PAX5: variants seen among roughly 807,000 people sequenced by gnomAD.
PAX5 encodes the protein paired box 5, also known as paired box protein Pax-5.
PAX5 carries 9 observed loss-of-function variants against 43.7 expected under a neutral mutation model. The observed-to-expected ratio is 0.21, with a 90% CI of 0.12 to 0.36. The LOEUF (loss-of-function observed/expected upper bound fraction) is 0.36. Among genes scored for constraint, PAX5 ranks in the 10% least tolerant of loss-of-function variants. The pLI, the probability that PAX5 is intolerant of heterozygous loss-of-function variation, is 1.00. For synonymous variants in PAX5, 228 were observed against 214.3 expected (o/e 1.06, Z -0.56); for missense variants, 383 against 532.7 (o/e 0.72, Z 2.77).
chr9:36,873,858 C>T (rs1259488149), intron 8 of PAX5, among the ~76,000 whole-genome samples: 1 of 152,248 alleles, frequency 6.6e-6, no homozygotes, highest in Non-Finnish European at 1.5e-5. Context: ...ATCCTGTTCA[C>T]TACTCCCGGC....
intron 1 of PAX5, among the ~76,000 whole-genome samples, chr9:37,026,233 C>T (rs1045768337): frequency 2.6e-5 from 4 of 152,380 alleles, no homozygotes; most frequent in Admixed American, 2.6e-4. Flanking sequence ...GCCCGGAGCC[C>T]TCTACGGGTC....
At position 36,838,919 on chromosome 9, in the gene PAX5, A is replaced by G; in HGVS notation, c.*1641T>C. 4.3e-6 allele frequency: 1 copy of G among 233,382 alleles called. No individual in the cohort carries two copies. Among genetic ancestry groups the G allele is most frequent in the Non-Finnish European group, 8.5e-6 (1 of 118,128 alleles). The allele number at this position is 233,382 out of a possible 1,614,324, so 14.5% of individuals were successfully genotyped here. On this transcript the variant is annotated 3_prime_UTR_variant, in exon 10 of 10. Coordinates refer to ENST00000358127, the MANE Select transcript of PAX5 (RefSeq NM_016734.3). ...AGACCTGCCTGGCCTGCTGATCCCAAGTCCAGTCTCTCTCTGCCCTGGCTC... is the reference window on the plus strand; with the variant it reads ...AGACCTGCCTGGCCTGCTGATCCCAGGTCCAGTCTCTCTCTGCCCTGGCTC...
intron 5 of PAX5, among the ~76,000 whole-genome samples, chr9:36,983,674 A>T (rs1237310948): frequency 2.0e-5 from 3 of 152,108 alleles, no homozygotes; most frequent in African/African-American, 7.2e-5. Flanking sequence ...GGGTTTCACC[A>T]TGTTGCCCAG....
intron 1 of PAX5, among the ~76,000 whole-genome samples, chr9:37,024,734 A>G (rs989002473): frequency 3.3e-5 from 5 of 152,200 alleles, no homozygotes; most frequent in African/African-American, 1.2e-4. Context: ...CACAGACATT[A>G]GCGGTTGGCT....
rs534821555 is a variant in PAX5, at chr9:36,835,608, T to TC, written c.*4951dup. On this transcript the variant is annotated 3_prime_UTR_variant, in exon 10 of 10. Coordinates refer to ENST00000358127, the MANE Select transcript of PAX5 (RefSeq NM_016734.3). ...GGTGGGGCACGCCGTGGGCTAGGAG[T>TC]CGTGGCCTGACTGTCCAACTTTCCA... 8.2e-5 allele frequency: 19 copies of TC among 232,864 alleles called. No individual in the cohort carries two copies. The South Asian group carries it at 3.3e-3, about 40-fold the overall frequency. The allele number at this position is 232,864 out of a possible 1,614,324, so 14.4% of individuals were successfully genotyped here.
intron 7 of PAX5, among the ~76,000 whole-genome samples, chr9:36,895,747 G>A (rs796440850): frequency 6.6e-5 from 10 of 152,328 alleles, no homozygotes; most frequent in African/African-American, 2.4e-4. Flanking sequence ...AAATGTGACA[G>A]GTTGGGGGTT....
intron 5 of PAX5, among the ~76,000 whole-genome samples, chr9:36,968,763 C>T (rs1219494448): frequency 6.6e-6 from 1 of 152,198 alleles, no homozygotes; most frequent in Middle Eastern, 3.2e-3. Context: ...ACCCTTCTCC[C>T]ATCATGGCCC....
intron 6 of PAX5, among the ~76,000 whole-genome samples, chr9:36,931,852 A>T (rs1011520804): frequency 2.0e-4 from 1 of 5,094 alleles, no homozygotes; most frequent in Non-Finnish European, 2.0e-3. Flanking sequence ...CTCTGTCTCA[A>T]AAAAAAAAAA....
chr9:36,973,486 C>A lies in PAX5; in HGVS notation c.605-6762G>T, dbSNP rs1201002072. 2.0e-5 allele frequency among the ~76,000 whole-genome samples: 3 copies of A among 152,184 alleles called. No individual in the cohort carries two copies. In the East Asian group the frequency reaches 5.8e-4, roughly 29 times the overall value. ...AGTCCAATGAGCTTGGAATTGGCAT[C>A]TTCAGGTGGCTGCAATGGCTAATTC... On this transcript the variant is annotated intron_variant, in intron 5 of 9. Transcript: ENST00000358127.
intron 7 of PAX5, among the ~76,000 whole-genome samples, chr9:36,918,633 C>T (rs1236146217): frequency 6.6e-6 from 1 of 152,116 alleles, no homozygotes; most frequent in Non-Finnish European, 1.5e-5. Context: ...TGCACTCCAG[C>T]CTGGGTGACA....
At chr9:37,005,648 T>C (rs146218834) in intron 4 of PAX5, among the ~76,000 whole-genome samples, 172 of 152,340 alleles carry the variant, frequency 1.1e-3, no homozygotes, top group Non-Finnish European at 1.8e-3. Context: ...ATAACAAAAG[T>C]GTGGAAATGT....
chr9:37,030,656 G>C (rs1192329926), intron 1 of PAX5, among the ~76,000 whole-genome samples: 1 of 152,250 alleles, frequency 6.6e-6, no homozygotes. Flanking sequence ...AATTGCCTTT[G>C]AAAGTTTTAG....
chr9:36,900,511 C>A (rs1828283651), intron 7 of PAX5, among the ~76,000 whole-genome samples: 1 of 152,006 alleles, frequency 6.6e-6, no homozygotes, highest in Non-Finnish European at 1.5e-5. Flanking sequence ...AATCCCTTTT[C>A]TGCTTAACAA....
chr9:36,996,609 G>T (rs1024989608), intron 5 of PAX5, among the ~76,000 whole-genome samples: 1 of 152,188 alleles, frequency 6.6e-6, no homozygotes, highest in African/African-American at 2.4e-5. Context: ...CCCTCATCCC[G>T]GGAGCAGCAG....
At chr9:36,896,709 G>C (rs1414004712) in intron 7 of PAX5, among the ~76,000 whole-genome samples, 1 of 152,164 alleles carries the variant, frequency 6.6e-6, no homozygotes, top group Non-Finnish European at 1.5e-5. Flanking sequence ...CTGGGTCTCG[G>C]TTTCCACTTT....
In PAX5 at chr9:36,929,235, G is replaced by GAGGA. The variant is rs56223123; in HGVS notation, c.781-5755_781-5752dup. On this transcript the variant is annotated intron_variant, in intron 6 of 9. Coordinates refer to ENST00000358127, the MANE Select transcript of PAX5 (RefSeq NM_016734.3). ...AGGAAGGAAGGAAGAAGGAAGGAAG[G>GAGGA]AGGAAGGAAGGAAGGAAGGAAGGAA... 1.9e-3 allele frequency among the ~76,000 whole-genome samples: 250 copies of GAGGA among 134,454 alleles called. 2 individuals are homozygous for GAGGA. The highest frequency in any genetic ancestry group is 6.5e-3 in the African/African-American group (230 of 35,400). 88.2% of individuals were successfully genotyped at this position (134,454 alleles called of 152,430 possible).
Position 36,927,710 on chromosome 9 carries a change from T to G in PAX5, c.781-4226A>C, listed in dbSNP as rs544710530. 1.0e-4 allele frequency among the ~76,000 whole-genome samples: 10 copies of G among 98,874 alleles called. 1 individual carries two copies. In the South Asian group the frequency reaches 2.9e-3, roughly 29 times the overall value. 64.9% of individuals were successfully genotyped at this position (98,874 alleles called of 152,430 possible). A position where few individuals can be genotyped will look rare whatever the true frequency, so the allele number is the denominator to read the frequency against. ...CCATCTGTGCCTTTCCTTTTTCTTT[T>G]TCTTTTTTTTTTTTTTGAGACAAAG... On this transcript the variant is annotated intron_variant, in intron 6 of 9. Coordinates refer to ENST00000358127, the MANE Select transcript of PAX5 (RefSeq NM_016734.3).
chr9:36,947,062 C>T (rs1832588575), intron 6 of PAX5, among the ~76,000 whole-genome samples: 1 of 152,248 alleles, frequency 6.6e-6, no homozygotes, highest in Non-Finnish European at 1.5e-5. Flanking sequence ...ATTCCATGTG[C>T]TATAATTTGA....
chr9:36,904,270 G>A (rs1258209858), intron 7 of PAX5, among the ~76,000 whole-genome samples: 3 of 152,116 alleles, frequency 2.0e-5, no homozygotes, highest in Non-Finnish European at 2.9e-5. Context: ...AACCAACTCT[G>A]GGGGAAGAGC....
Sources: gnomAD v4.1 joint callset for allele counts (sites outside exome capture counted in the v4.1 genomes callset) on GRCh38, gnomAD v4.1.1 for gene constraint, MANE v1.5 for transcripts, NCBI Gene and HGNC (gene_info 2026-07-23, HGNC 2026-07-21) for gene names.